The following TBATA variants were observed in gnomAD, a reference collection of about 807,000 sequenced individuals.
The protein encoded by TBATA is thymus, brain and testes associated, also known as protein TBATA.
TBATA carries 47 observed loss-of-function variants against 38.7 expected under a neutral mutation model. That is an observed-to-expected ratio of 1.21 (90% CI 0.96 to 1.55). TBATA has a LOEUF of 1.55. TBATA is among the 40% of genes most tolerant of loss of function. TBATA has a pLI of 0.00. For missense variants in TBATA, 436 were observed against 435.6 expected (o/e 1.00, Z -0.01); for synonymous variants, 183 against 170.5 (o/e 1.07, Z -0.57).
At position 70,777,267 on chromosome 10, in the gene TBATA, G is replaced by A; in HGVS notation, c.579C>T (p.Ile193=). 1 of 1,613,680 alleles carries A rather than the reference G, an allele frequency of 6.2e-7. No individual in the cohort carries two copies. Among genetic ancestry groups the A allele is most frequent in the Non-Finnish European group, 8.5e-7 (1 of 1,179,938 alleles). ...GGCCGACAGCCCGGGTGGAAGCGGG[G>A]ATGAGCCTCCCAGTCTCTGCTGAGT... ...AKYSAETGRL[I]PASTRAVGRR... The change falls in exon 7 of 11, where the codon ATC becomes ATT. Residue 193 remains isoleucine (I), a synonymous_variant. Coordinates refer to ENST00000456372, the MANE Select transcript of TBATA (RefSeq NM_001318241.2).
rs769355776 is a variant in TBATA at position 70,771,428 on chromosome 10, T to A, written c.1007A>T (p.His336Leu). Reference sequence around the variant, plus strand: ...CTTCTTCTCTGTGTTCTGGCTTGAATGCATCTGGAGGACTTGAGCTTCTCC... The same window carrying A: ...CTTCTTCTCTGTGTTCTGGCTTGAAAGCATCTGGAGGACTTGAGCTTCTCC... ...YIGEAQVLQM[H>L]SSQNTEKKTS... Residue 336 changes from histidine to leucine, a missense_variant, in exon 11 of 11, where the codon CAT (histidine) becomes CTT (leucine). Coordinates refer to ENST00000456372, the MANE Select transcript of TBATA (RefSeq NM_001318241.2). 6.2e-7 allele frequency: 1 copy of A among 1,614,138 alleles called. No individual in the cohort carries two copies. The highest frequency in any genetic ancestry group is 8.5e-7 in the Non-Finnish European group (1 of 1,180,004).
rs559621275 is a variant in TBATA, at chr10:70,779,614, G to T, written c.406C>A (p.Arg136=). The change falls in exon 5 of 11, where the codon CGG becomes AGG. Residue 136 remains arginine, a synonymous_variant. Transcript: ENST00000456372. ...SVPIGDPQSN[R]NPQLSSEAWK... ...CCACCAGAAGAAAGCTGGGGGTTCCGATTAGACTGTGGGTCTCCAATGGGG... is the reference window on the plus strand; with the variant it reads ...CCACCAGAAGAAAGCTGGGGGTTCCTATTAGACTGTGGGTCTCCAATGGGG... 1.3e-5 allele frequency: 20 copies of T among 1,517,764 alleles called. No homozygotes were observed. The highest frequency in any genetic ancestry group is 1.8e-5 in the Non-Finnish European group (20 of 1,139,784). 94.0% of individuals were successfully genotyped at this position (1,517,764 alleles called of 1,614,324 possible). A position where few individuals can be genotyped will look rare whatever the true frequency, so the allele number is the denominator to read the frequency against.
intron 7 of TBATA, 75 bp downstream of exon 7, chr10:70,777,078 G>C: frequency 3.4e-6 from 5 of 1,483,720 alleles, no homozygotes; most frequent in Non-Finnish European, 4.5e-6. Flanking sequence ...CCCTGGGAGG[G>C]GCCTTGCCCT....
rs907591933 is a variant in TBATA, at chr10:70,781,787, C to T, written c.277+14G>A. On this transcript the variant is annotated intron_variant, in intron 4 of 10. Coordinates refer to ENST00000456372, the MANE Select transcript of TBATA (RefSeq NM_001318241.2). Reference sequence around the variant, plus strand: ...ATACTCCCTCTGCTCCCACCCCAACCAGCCAGGCCCTACCTTGGATGTGGG... The same window carrying T: ...ATACTCCCTCTGCTCCCACCCCAACTAGCCAGGCCCTACCTTGGATGTGGG... The T allele has an allele frequency of 3.1e-6, 5 of 1,610,438 alleles. No homozygotes were observed. The African/African-American group carries it at 5.3e-5, about 17-fold the overall frequency.
chr10:70,779,711 C>A lies in TBATA; in HGVS notation c.309G>T (p.Arg103Ser). The A allele has an allele frequency of 6.5e-7, 1 of 1,537,038 alleles. No individual in the cohort carries two copies. The highest frequency in any genetic ancestry group is 8.7e-7 in the Non-Finnish European group (1 of 1,151,212). ...ACTCAGGCAAGGGGGCTGGAAAATC[C>A]CTGACGACACAGACAGGCTTCCCGG... ...DLTGKPVCVV[R>S]DFPAPLPEST... Residue 103 changes from arginine to serine, a missense_variant, in exon 5 of 11, where the codon AGG becomes AGT. Arg to Ser is a moderately radical substitution (Grantham distance 110). Coordinates refer to ENST00000456372, the MANE Select transcript of TBATA (RefSeq NM_001318241.2).
chr10:70,776,250 C>T, intron 7 of TBATA: 1 of 434,160 alleles, frequency 2.3e-6, no homozygotes. Context: ...ACCCTCGTCC[C>T]CAGATGCCCA....
Position 70,778,022 on chromosome 10 carries a change from A to G in TBATA, c.507+535T>C, listed in dbSNP as rs560426634. Among the ~76,000 whole-genome samples the G allele has an allele frequency of 6.5e-4, 99 of 152,338 alleles. No individual in the cohort carries two copies. The South Asian group carries it at 0.02, about 31-fold the overall frequency. On this transcript the variant is annotated intron_variant, in intron 6 of 10. Coordinates refer to ENST00000456372, the MANE Select transcript of TBATA (RefSeq NM_001318241.2). The stretch of plus-strand genomic sequence containing the variant: ...GCAGGACCAGACTGTCCTAAGAGCA[A>G]TTCCAGTCACCTTCAAGCTGCCTCT...
At position 70,777,343 on chromosome 10, in the gene TBATA, G is replaced by A. The variant is rs1029454815; in HGVS notation, c.508-5C>T. ...CTCCTCCTTCTGCTCCTTCTGCTGG[G>A]ACAAAAGTGGCCAGAGACTCCAGGC... On this transcript the variant is annotated splice_polypyrimidine_tract_variant and splice_region_variant and intron_variant, in intron 6 of 10. Transcript: ENST00000456372. 5 of 1,610,934 alleles carry A rather than the reference G, an allele frequency of 3.1e-6. No individual in the cohort carries two copies. The African/African-American group carries it at 6.7e-5, about 22-fold the overall frequency.
At position 70,779,635 on chromosome 10, in the gene TBATA, T is replaced by C. The variant is rs148174263; in HGVS notation, c.385A>G (p.Ile129Val). 1 of 1,527,718 alleles carries C rather than the reference T, an allele frequency of 6.5e-7. No homozygotes were observed. Among genetic ancestry groups the C allele is most frequent in the African/African-American group, 1.5e-5 (1 of 68,830 alleles). 94.6% of individuals were successfully genotyped at this position (1,527,718 alleles called of 1,614,324 possible). The stretch of plus-strand genomic sequence containing the variant: ...TTCCGATTAGACTGTGGGTCTCCAA[T>C]GGGGACAGAGATGGTGGGTATCCCC... ...QMGIPTISVP[I>V]GDPQSNRNPQ... is the part of the protein sequence containing the mutation. The change falls in exon 5 of 11, where the codon ATT becomes GTT. Residue 129 changes from isoleucine (I) to valine (V), a missense_variant. By Grantham distance (29) the Ile-to-Val change is conservative. Coordinates refer to ENST00000456372, the MANE Select transcript of TBATA (RefSeq NM_001318241.2).
chr10:70,782,635 C>T (rs576514909), intron 3 of TBATA: 8 of 985,282 alleles, frequency 8.1e-6, no homozygotes, highest in Admixed American at 6.1e-5. Flanking sequence ...GGGGCTGTGG[C>T]GCTGAGGGAA....
intron 8 of TBATA, among the ~76,000 whole-genome samples, chr10:70,774,886 T>A (rs1843193471): frequency 6.6e-6 from 1 of 152,202 alleles, no homozygotes; most frequent in African/African-American, 2.4e-5. Flanking sequence ...AGGGGCTGTG[T>A]CTGCTAAGTT....
Position 70,783,450 on chromosome 10 carries a change from CACTT to C in TBATA, c.-75_-72del. 1.3e-6 allele frequency: 2 copies of C among 1,550,412 alleles called. No homozygotes were observed. Among genetic ancestry groups the C allele is most frequent in the South Asian group, 1.1e-5 (1 of 89,306 alleles). ...GTTGAGGATGCAGAACAGGAACTCTCACTTAATACTAGTGTTGAGGATGCAGAAC... is the reference window on the plus strand; with the variant it reads ...GTTGAGGATGCAGAACAGGAACTCTCAATACTAGTGTTGAGGATGCAGAAC... On this transcript the variant is annotated 5_prime_UTR_variant, in exon 3 of 11. Transcript: ENST00000456372.
chr10:70,782,307 T>C, intron 3 of TBATA: 2 of 1,476,128 alleles, frequency 1.4e-6, no homozygotes, highest in South Asian at 1.2e-5. Flanking sequence ...CCCAGTTTTT[T>C]CCCAGAGACC....
intron 6 of TBATA, chr10:70,777,688 T>A: frequency 2.6e-6 from 1 of 382,852 alleles, no homozygotes; most frequent in Non-Finnish European, 5.0e-6. Context: ...CCCAGGTAGG[T>A]CCTCCTTGCT....
chr10:70,783,347 T>G lies in TBATA; in HGVS notation c.33A>C (p.Pro11=). ...GGCATTTGGAGCCTCACCTCATCAG[T>G]GGATAATCAGCCAATTGAACATCTG... The part of the protein sequence containing the change: MATDVQLADY[P]LMSPKAELKL... Residue 11 remains proline, a synonymous_variant, in exon 3 of 11, where the codon CCA becomes CCC. Transcript: ENST00000456372. 6.2e-7 allele frequency: 1 copy of G among 1,614,162 alleles called. No individual in the cohort carries two copies. Among genetic ancestry groups the G allele is most frequent in the Non-Finnish European group, 8.5e-7 (1 of 1,180,006 alleles).
intron 6 of TBATA, among the ~76,000 whole-genome samples, chr10:70,778,087 G>A (rs1322014366): frequency 6.6e-6 from 1 of 152,108 alleles, no homozygotes; most frequent in African/African-American, 2.4e-5. Flanking sequence ...GGCACCCATG[G>A]GGTCACCCCT....
In TBATA at chr10:70,779,746, C is replaced by G; in HGVS notation, c.278-4G>C. 6.5e-7 allele frequency: 1 copy of G among 1,536,350 alleles called. No homozygotes were observed. The highest frequency in any genetic ancestry group is 8.7e-7 in the Non-Finnish European group (1 of 1,150,726). On this transcript the variant is annotated splice_polypyrimidine_tract_variant and splice_region_variant and intron_variant, in intron 4 of 10. Coordinates refer to ENST00000456372, the MANE Select transcript of TBATA (RefSeq NM_001318241.2). Reference sequence around the variant, plus strand: ...CAGACAGGCTTCCCGGTGAGATCTGCAAAGGGTTAGAGGCTGTGGGAAGGG... The same window carrying G: ...CAGACAGGCTTCCCGGTGAGATCTGGAAAGGGTTAGAGGCTGTGGGAAGGG...
At position 70,783,424 on chromosome 10, in the gene TBATA, C is replaced by A. The variant is rs375906034; in HGVS notation, c.-45G>T. 1.3e-5 allele frequency: 21 copies of A among 1,608,082 alleles called. No individual in the cohort carries two copies. The highest frequency in any genetic ancestry group is 1.7e-4 in the Middle Eastern group (1 of 6,052). On this transcript the variant is annotated 5_prime_UTR_variant, in exon 3 of 11. Transcript: ENST00000456372. ...TAAAGGCCAGTGCACTTAATACTAGCGTTGAGGATGCAGAACAGGAACTCT... is the reference window on the plus strand; with the variant it reads ...TAAAGGCCAGTGCACTTAATACTAGAGTTGAGGATGCAGAACAGGAACTCT...
rs779786397 is a variant in TBATA, at chr10:70,780,158, C to T, written c.278-416G>A. Among the ~76,000 whole-genome samples the T allele has an allele frequency of 1.1e-4, 16 of 152,288 alleles. No homozygotes were observed. The East Asian group carries it at 1.5e-3, about 15-fold the overall frequency. On this transcript the variant is annotated intron_variant, in intron 4 of 10. Transcript: ENST00000456372. ...CAGTTCATGATGGGAGAGGCCTGGG[C>T]TCACATGACAGGGAGAGAGATTGAG...
Sources: allele counts gnomAD v4.1 joint callset (sites outside exome capture counted in the v4.1 genomes callset), GRCh38; gene constraint gnomAD v4.1.1; transcripts MANE v1.5; gene names NCBI Gene and HGNC (gene_info 2026-07-23, HGNC 2026-07-21).